NFIC: variants seen among roughly 807,000 people sequenced by gnomAD.
The protein encoded by NFIC is nuclear factor 1 C-type.
NFIC carries 12 observed loss-of-function variants against 54.4 expected under a neutral mutation model. The ratio of observed to expected loss-of-function variants is 0.22; its 90% CI spans 0.14 to 0.36. The LOEUF (loss-of-function observed/expected upper bound fraction) is 0.36. NFIC is among the 10% of genes least tolerant of loss of function. The probability of loss-of-function intolerance (pLI) is 1.00; values close to 1 mark genes in which losing one functional copy is unlikely to be tolerated. For synonymous variants in NFIC, 322 were observed against 319.2 expected (o/e 1.01, Z -0.09); for missense variants, 575 against 718.2 (o/e 0.80, Z 2.28).
At position 3,467,959 on chromosome 19, in the gene NFIC, C is replaced by T. The variant is rs963810094; in HGVS notation, c.*5190C>T. On this transcript the variant is annotated 3_prime_UTR_variant, in exon 11 of 11. Coordinates refer to ENST00000443272, the MANE Select transcript of NFIC (RefSeq NM_001245002.2). ...CTCCCATCTTGCCCCATTTCTGCCACGTCAGACACTTCCTGAGAGTCTCAC... is the reference window on the plus strand; with the variant it reads ...CTCCCATCTTGCCCCATTTCTGCCATGTCAGACACTTCCTGAGAGTCTCAC... 4.6e-5 allele frequency: 7 copies of T among 151,524 alleles called. No individual in the cohort carries two copies. The highest frequency in any genetic ancestry group is 1.3e-4 in the Admixed American group (2 of 15,182). 9.4% of individuals were successfully genotyped at this position (151,524 alleles called of 1,614,324 possible). A position where few individuals can be genotyped will look rare whatever the true frequency, so the allele number is the denominator to read the frequency against.
chr19:3,464,682 C>T lies in NFIC; in HGVS notation c.*1913C>T. The T allele has an allele frequency of 1.0e-6, 1 of 985,390 alleles. No homozygotes were observed. The highest frequency in any genetic ancestry group is 1.2e-6 in the Non-Finnish European group (1 of 830,134). The allele number at this position is 985,390 out of a possible 1,614,324, so 61.0% of individuals were successfully genotyped here. On this transcript the variant is annotated 3_prime_UTR_variant, in exon 11 of 11. Transcript: ENST00000443272. ...GCCCCCGAAAACCAGACTCTCCTCC[C>T]AAACTAGCCTCAGGAGCTTGGCGAA...
intron 2 of NFIC, among the ~76,000 whole-genome samples, chr19:3,421,271 G>A (rs566038009): frequency 8.1e-5 from 12 of 147,532 alleles, no homozygotes; most frequent in East Asian, 3.9e-4. Context: ...CTGCTGAGAC[G>A]CCAGCTGGGC....
In NFIC at chr19:3,462,744, C is replaced by T. The variant is rs1364883775; in HGVS notation, c.1510-8C>T. 6.2e-7 allele frequency: 1 copy of T among 1,613,776 alleles called. No homozygotes were observed. The highest frequency in any genetic ancestry group is 8.5e-7 in the Non-Finnish European group (1 of 1,179,930). On this transcript the variant is annotated splice_polypyrimidine_tract_variant and splice_region_variant and intron_variant, in intron 10 of 10. Transcript: ENST00000443272. ...TCTCCCTCTTTCTGTCGCCACTGGG[C>T]CACTCAGTCCTGGTATCTGGGATAG...
intron 5 of NFIC, among the ~76,000 whole-genome samples, chr19:3,434,670 A>G (rs2082170718): frequency 6.6e-6 from 1 of 152,094 alleles, no homozygotes; most frequent in African/African-American, 2.4e-5. Flanking sequence ...AAGAATGCAG[A>G]CACAGGTTGT....
At chr19:3,394,583 G>A (rs2081432905) in intron 2 of NFIC, among the ~76,000 whole-genome samples, 2 of 127,750 alleles carry the variant, frequency 1.6e-5, no homozygotes, top group East Asian at 2.4e-4. Flanking sequence ...AGCACTGGAT[G>A]TCACACGTGG....
At chr19:3,420,438 G>T (rs1374342463) in intron 2 of NFIC, among the ~76,000 whole-genome samples, 1 of 152,104 alleles carries the variant, frequency 6.6e-6, no homozygotes, top group African/African-American at 2.4e-5. Flanking sequence ...TGTAATCCCA[G>T]CTACTTGGGA....
At chr19:3,422,708 C>T (rs538768378) in intron 2 of NFIC, among the ~76,000 whole-genome samples, 3 of 151,784 alleles carry the variant, frequency 2.0e-5, no homozygotes, top group African/African-American at 7.2e-5. Flanking sequence ...CAGAGCGAGA[C>T]TCTGTCTCAA....
At chr19:3,427,182 T>C (rs1156906713) in intron 3 of NFIC, among the ~76,000 whole-genome samples, 1 of 152,104 alleles carries the variant, frequency 6.6e-6, no homozygotes, top group African/African-American at 2.4e-5. Context: ...CGCCTCGGCC[T>C]CCCAAAGTGC....
intron 2 of NFIC, among the ~76,000 whole-genome samples, chr19:3,396,524 C>T (rs554596226): frequency 6.6e-6 from 1 of 151,902 alleles, no homozygotes; most frequent in African/African-American, 2.4e-5. Flanking sequence ...TATGGGGCCT[C>T]GGGCACACCC....
At chr19:3,390,675 G>T (rs1218807780) in intron 2 of NFIC, among the ~76,000 whole-genome samples, 2 of 152,148 alleles carry the variant, frequency 1.3e-5, no homozygotes. Context: ...ACTCAAAAGT[G>T]ATTTGTTGCC....
At chr19:3,448,189 C>T (rs1004910591) in intron 6 of NFIC, among the ~76,000 whole-genome samples, 4 of 152,238 alleles carry the variant, frequency 2.6e-5, no homozygotes, top group African/African-American at 9.6e-5. Flanking sequence ...TCTCCTGCCT[C>T]AGCCTCCCAA....
In NFIC at chr19:3,369,460, T is replaced by C. The variant is rs577023364; in HGVS notation, c.30+2794T>C. On this transcript the variant is annotated intron_variant, in intron 1 of 10. Transcript: ENST00000443272. The surrounding 1 kb of genome is among the most constrained non-coding windows in gnomAD (Gnocchi z 4.3). ...TTTACAACCTGAGCCCAACCGAAAA[T>C]AGCTCCCTTTTAGCTGATCCGACCC... is the stretch of plus-strand genomic sequence containing the variant. 2.5e-4 allele frequency among the ~76,000 whole-genome samples: 37 copies of C among 150,564 alleles called. No individual in the cohort carries two copies. The highest frequency in any genetic ancestry group is 4.7e-4 in the Non-Finnish European group (32 of 67,410).
At chr19:3,409,605 C>T (rs1394957069) in intron 2 of NFIC, among the ~76,000 whole-genome samples, 1 of 152,148 alleles carries the variant, frequency 6.6e-6, no homozygotes, top group Non-Finnish European at 1.5e-5. Context: ...GAAGCTTCAG[C>T]CAGCGGACGC....
intron 7 of NFIC, among the ~76,000 whole-genome samples, chr19:3,449,766 A>G (rs1172959067): frequency 6.6e-6 from 1 of 151,302 alleles, no homozygotes; most frequent in Non-Finnish European, 1.5e-5. Flanking sequence ...TCTCAAAAAA[A>G]AAAAAAAAAG....
At chr19:3,420,015 C>G (rs979028328) in intron 2 of NFIC, among the ~76,000 whole-genome samples, 2 of 151,838 alleles carry the variant, frequency 1.3e-5, no homozygotes, top group Admixed American at 6.6e-5. Flanking sequence ...GGAAGTTCTG[C>G]CAGACCAATA....
chr19:3,417,040 G>C lies in NFIC; in HGVS notation c.563-8066G>C, dbSNP rs531886616. On this transcript the variant is annotated intron_variant, in intron 2 of 10. Coordinates refer to ENST00000443272, the MANE Select transcript of NFIC (RefSeq NM_001245002.2). ...CTGGGACTACAGGCGCCCGCCACCA[G>C]GCCCAGCTAATTTTTTTTGTATTTT... is the stretch of plus-strand genomic sequence containing the variant. 6.5e-3 allele frequency among the ~76,000 whole-genome samples: 863 copies of C among 131,854 alleles called. 6 individuals are homozygous for C. The highest frequency in any genetic ancestry group is 0.018 in the African/African-American group (752 of 40,670). 86.5% of individuals were successfully genotyped at this position (131,854 alleles called of 152,430 possible).
chr19:3,451,998 T>C (rs1324815504), intron 7 of NFIC, among the ~76,000 whole-genome samples: 3 of 149,928 alleles, frequency 2.0e-5, no homozygotes, highest in African/African-American at 7.4e-5. Flanking sequence ...GCACTTGTAA[T>C]CCCAGCTACT....
At chr19:3,429,141 A>G (rs1476399287) in intron 3 of NFIC, among the ~76,000 whole-genome samples, 17 of 112,630 alleles carry the variant, frequency 1.5e-4, no homozygotes, top group African/African-American at 5.4e-4. Context: ...AAATATACAC[A>G]CACACACACA....
chr19:3,456,815 T>G (rs1326553161), intron 10 of NFIC, 180 bp downstream of exon 10: 7 of 639,666 alleles, frequency 1.1e-5, no homozygotes, highest in Non-Finnish European at 1.9e-5. Context: ...AGGCCAAATT[T>G]CCCTCCACCT....
Sources: gnomAD v4.1 joint callset for allele counts (sites outside exome capture counted in the v4.1 genomes callset) on GRCh38, gnomAD v4.1.1 for gene constraint, Gnocchi (gnomAD v3.1) non-coding constraint, MANE v1.5 for transcripts, NCBI Gene and HGNC (gene_info 2026-07-23, HGNC 2026-07-21) for gene names.